Variants in CDC14A observed in about 807,000 individuals in gnomAD.
CDC14A encodes dual specificity protein phosphatase CDC14A.
Under a neutral mutation model 74.4 loss-of-function variants are expected in CDC14A, and 53 were observed. The ratio of observed to expected loss-of-function variants is 0.71; its 90% CI spans 0.57 to 0.89. The LOEUF (loss-of-function observed/expected upper bound fraction) is 0.89. Ranked by LOEUF, CDC14A falls within the 40% of genes least tolerant of loss-of-function variation. The pLI, the probability that CDC14A is intolerant of heterozygous loss-of-function variation, is 0.00. For synonymous variants in CDC14A, 247 were observed against 258.4 expected, an observed-to-expected ratio of 0.96 and a Z score of 0.43; for missense variants, 646 against 713.7, an observed-to-expected ratio of 0.91 and a Z score of 1.08.
At chr1:100,435,231 T>C (rs1396614124) in intron 5 of CDC14A, among the ~76,000 whole-genome samples, 1 of 152,012 alleles carries the variant, frequency 6.6e-6, no homozygotes, top group African/African-American at 2.4e-5. Context: ...AGGTTGGAAG[T>C]AGTGTTTAGA....
At chr1:100,350,641 G>A (rs1330052778), upstream of CDC14A, among the ~76,000 whole-genome samples, 1 of 151,348 alleles carries the variant, frequency 6.6e-6, no homozygotes, top group African/African-American at 2.4e-5. Flanking sequence ...GAGTTCATTA[G>A]ACTATTTACT....
At chr1:100,394,057 T>C in intron 4 of CDC14A, 1 of 236,540 alleles carries the variant, frequency 4.2e-6, no homozygotes, top group Non-Finnish European at 8.2e-6. Flanking sequence ...CCTACTCTTC[T>C]CATTTCTTTA....
upstream of CDC14A, among the ~76,000 whole-genome samples, chr1:100,349,664 G>C (rs1286359917): frequency 6.6e-6 from 1 of 152,110 alleles, no homozygotes; most frequent in African/African-American, 2.4e-5. Flanking sequence ...GTTTGTTTGA[G>C]ACAGGGTCTC....
intron 11 of CDC14A, among the ~76,000 whole-genome samples, chr1:100,490,872 TA>T (rs1670540128): frequency 6.6e-6 from 1 of 152,188 alleles, no homozygotes; most frequent in Non-Finnish European, 1.5e-5. Context: ...TCAAATGTAT[TA>T]AAAATGTATG....
At chr1:100,360,090 G>A (rs1485726658) in intron 2 of CDC14A, among the ~76,000 whole-genome samples, 3 of 147,678 alleles carry the variant, frequency 2.0e-5, no homozygotes, top group East Asian at 4.0e-4. Context: ...TTACAGGCGC[G>A]CACCACCACA....
In CDC14A at chr1:100,424,922, CTT is replaced by C. The variant is rs1662779320; in HGVS notation, c.389+623_389+624del. Among the ~76,000 whole-genome samples, 3 of 152,072 alleles carry C rather than the reference CTT, an allele frequency of 2.0e-5. No individual in the cohort carries two copies. In the South Asian group the frequency reaches 6.2e-4, roughly 32 times the overall value. On this transcript the variant is annotated intron_variant, in intron 5 of 15. Coordinates refer to ENST00000336454, the MANE Select transcript of CDC14A (RefSeq NM_003672.4). Reference sequence around the variant, plus strand: ...GTAGCTCATGGCTGTAATCCCAGCACTTTGGGAGGCTGAGGCTGGTGGATAGC... The same window carrying C: ...GTAGCTCATGGCTGTAATCCCAGCACTGGGAGGCTGAGGCTGGTGGATAGC...
chr1:100,353,560 C>T (rs1651439437), intron 1 of CDC14A, among the ~76,000 whole-genome samples: 1 of 152,208 alleles, frequency 6.6e-6, no homozygotes, highest in Non-Finnish European at 1.5e-5. Flanking sequence ...CTGAGCCCCG[C>T]TGAGTTCCTC....
intron 7 of CDC14A, among the ~76,000 whole-genome samples, chr1:100,447,471 G>A (rs74103184): frequency 2.3e-3 from 346 of 152,308 alleles, no homozygotes; most frequent in African/African-American, 8.1e-3. Flanking sequence ...TGAGATGGTG[G>A]TCCAAAACCT....
chr1:100,346,023 T>TAGC, intron 1 of CDC14A, among the ~76,000 whole-genome samples: 1 of 151,840 alleles, frequency 6.6e-6, no homozygotes, highest in Non-Finnish European at 1.5e-5. Context: ...ATACAAAAAT[T>TAGC]CACTGGGTGT....
intron 4 of CDC14A, chr1:100,423,992 C>T (rs1662659086): frequency 2.2e-6 from 1 of 462,418 alleles, no homozygotes; most frequent in African/African-American, 2.0e-5. Context: ...CCTGGGATGG[C>T]CTCTTCATGG....
rs148618085 is a variant in CDC14A at position 100,413,638 on chromosome 1, C to T, written c.310-10584C>T. Among the ~76,000 whole-genome samples, 589 of 152,226 alleles carry T rather than the reference C, an allele frequency of 3.9e-3. 5 individuals carry two copies. Among genetic ancestry groups the T allele is most frequent in the African/African-American group, 0.013 (557 of 41,514 alleles). On this transcript the variant is annotated intron_variant, in intron 4 of 15. Transcript: ENST00000336454. Reference sequence around the variant, plus strand: ...GAAGCAACCCCCACAAGTTTGGTTCCATCCCTGGCAAGTTTGGTAGGCTTC... The same window carrying T: ...GAAGCAACCCCCACAAGTTTGGTTCTATCCCTGGCAAGTTTGGTAGGCTTC...
chr1:100,384,010 G>C (rs1656507118), intron 3 of CDC14A, among the ~76,000 whole-genome samples: 1 of 151,736 alleles, frequency 6.6e-6, no homozygotes, highest in Non-Finnish European at 1.5e-5. Context: ...TGTGTTTGTT[G>C]CCATAATCCA....
At chr1:100,487,225 T>G (rs1670105469) in intron 11 of CDC14A, among the ~76,000 whole-genome samples, 1 of 152,192 alleles carries the variant, frequency 6.6e-6, no homozygotes, top group Non-Finnish European at 1.5e-5. Context: ...TGTGATTAGT[T>G]ACTAGGAAGC....
intron 15 of CDC14A, among the ~76,000 whole-genome samples, chr1:100,509,619 C>A (rs969615926): frequency 6.6e-6 from 1 of 152,248 alleles, no homozygotes; most frequent in African/African-American, 2.4e-5. Flanking sequence ...CACACACATA[C>A]ACATACATGT....
chr1:100,496,439 C>G lies in CDC14A; in HGVS notation c.1298+390C>G, dbSNP rs76053371. 4.5e-3 allele frequency among the ~76,000 whole-genome samples: 679 copies of G among 151,996 alleles called. 3 individuals carry two copies. The highest frequency in any genetic ancestry group is 8.0e-3 in the Non-Finnish European group (545 of 67,970). On this transcript the variant is annotated intron_variant, in intron 13 of 15. Transcript: ENST00000336454. The stretch of plus-strand genomic sequence containing the variant: ...TTTCCCAATCAGCATGCATTTGTTC[C>G]CCTCCTTTATTTTCTAGTCTTATTT...
chr1:100,477,821 A>C (rs181270013), intron 10 of CDC14A, among the ~76,000 whole-genome samples: 2 of 152,230 alleles, frequency 1.3e-5, no homozygotes, highest in East Asian at 1.9e-4. Context: ...AAAGTCAATC[A>C]GTGCTTTTTA....
chr1:100,511,240 C>T (rs1649752747), intron 15 of CDC14A, among the ~76,000 whole-genome samples: 1 of 152,168 alleles, frequency 6.6e-6, no homozygotes. Flanking sequence ...GGAGTCTTCC[C>T]TTGGCCCTGT....
intron 4 of CDC14A, among the ~76,000 whole-genome samples, chr1:100,416,106 A>G (rs1571127441): frequency 6.6e-6 from 1 of 152,324 alleles, no homozygotes; most frequent in East Asian, 1.9e-4. Context: ...GAGACTTTAA[A>G]AGTTTTATGT....
At chr1:100,461,301 C>T (rs926739118) in intron 8 of CDC14A, among the ~76,000 whole-genome samples, 1 of 152,106 alleles carries the variant, frequency 6.6e-6, no homozygotes, top group South Asian at 2.1e-4. Context: ...AAATGTAGGG[C>T]GTAGTATATG....
Sources: allele counts gnomAD v4.1 joint callset (sites outside exome capture counted in the v4.1 genomes callset), GRCh38; gene constraint gnomAD v4.1.1; transcripts MANE v1.5; gene names NCBI Gene and HGNC (gene_info 2026-07-23, HGNC 2026-07-21).